Variants in KIFAP3 observed in about 807,000 individuals in gnomAD.
The protein encoded by KIFAP3 is kinesin-associated protein 3.
KIFAP3 carries 68 observed loss-of-function variants against 106.5 expected under a neutral mutation model. The observed-to-expected ratio is 0.64, with a 90% confidence interval of 0.53 to 0.78. The LOEUF (loss-of-function observed/expected upper bound fraction) is 0.78, where lower values mean the gene tolerates loss of function less well. Ranked by LOEUF, KIFAP3 falls within the 30% of genes least tolerant of loss-of-function variation. The probability of loss-of-function intolerance (pLI) is 0.00; values close to 1 mark genes in which losing one functional copy is unlikely to be tolerated. For synonymous variants in KIFAP3, 320 were observed against 311.5 expected (o/e 1.03, Z -0.29); for missense variants, 780 against 941.8 (o/e 0.83, Z 2.25).
chr1:170,021,774 A>G (rs1191555477), intron 9 of KIFAP3, among the ~76,000 whole-genome samples: 2 of 151,830 alleles, frequency 1.3e-5, no homozygotes, highest in African/African-American at 4.8e-5. Context: ...CACAGAATAG[A>G]ATGTGAAATA....
chr1:170,065,818 C>T (rs1232818018), intron 1 of KIFAP3, among the ~76,000 whole-genome samples: 1 of 152,116 alleles, frequency 6.6e-6, no homozygotes, highest in African/African-American at 2.4e-5. Flanking sequence ...ATTAGCCATA[C>T]AGCCAGTGGC....
intron 2 of KIFAP3, among the ~76,000 whole-genome samples, chr1:170,050,793 T>A (rs1274646928): frequency 1.3e-5 from 2 of 152,154 alleles, no homozygotes; most frequent in East Asian, 3.8e-4. Flanking sequence ...AAGCAAATGC[T>A]GAGGGATTCT....
chr1:169,987,785 TACTTTCATTGG>T (rs1666906314), intron 11 of KIFAP3, among the ~76,000 whole-genome samples: 1 of 152,142 alleles, frequency 6.6e-6, no homozygotes. Flanking sequence ...CCTAACCATG[TACTTTCATTGG>T]CCATTCTATT....
At chr1:170,039,337 C>A in intron 3 of KIFAP3, 49 bp from the exon 4 acceptor site, 1 of 1,057,668 alleles carries the variant, frequency 9.5e-7, no homozygotes, top group Non-Finnish European at 1.4e-6. Flanking sequence ...TTTAGGGTTT[C>A]TAGGTAATTT....
intron 12 of KIFAP3, 148 bp downstream of exon 12, chr1:169,984,434 T>G (rs1666683691): frequency 4.8e-6 from 2 of 420,260 alleles, no homozygotes; most frequent in Admixed American, 8.1e-5. Flanking sequence ...ATATTCTATC[T>G]GACCTTTAAG....
chr1:170,048,410 A>C (rs1209550724), intron 2 of KIFAP3, among the ~76,000 whole-genome samples: 1 of 151,618 alleles, frequency 6.6e-6, no homozygotes, highest in Non-Finnish European at 1.5e-5. Context: ...ACAGAGAAAA[A>C]CTCTAAAAAG....
chr1:169,970,321 G>A (rs1224965229), intron 17 of KIFAP3, among the ~76,000 whole-genome samples: 1 of 152,004 alleles, frequency 6.6e-6, no homozygotes. Context: ...AACAAGTGAT[G>A]TAATCCTCCT....
intron 10 of KIFAP3, among the ~76,000 whole-genome samples, chr1:170,002,332 A>G (rs1163948928): frequency 6.6e-6 from 1 of 152,208 alleles, no homozygotes; most frequent in East Asian, 1.9e-4. Flanking sequence ...AGAAACATTT[A>G]TATCAATATG....
At chr1:170,017,353 T>C (rs1256126136) in intron 9 of KIFAP3, among the ~76,000 whole-genome samples, 2 of 149,646 alleles carry the variant, frequency 1.3e-5, no homozygotes, top group Non-Finnish European at 3.0e-5. Context: ...GAAAACAGCA[T>C]TGAGAGAACT....
chr1:170,016,025 A>T (rs1571668845), intron 10 of KIFAP3, among the ~76,000 whole-genome samples: 1 of 151,910 alleles, frequency 6.6e-6, no homozygotes, highest in South Asian at 2.1e-4. Flanking sequence ...TATCTCTATT[A>T]AAAAAAATAT....
intron 8 of KIFAP3, among the ~76,000 whole-genome samples, chr1:170,031,483 T>C (rs1184464461): frequency 6.6e-6 from 1 of 151,696 alleles, no homozygotes; most frequent in Non-Finnish European, 1.5e-5. Context: ...TTAATAAAGC[T>C]AGAGACAAGG....
intron 15 of KIFAP3, among the ~76,000 whole-genome samples, chr1:169,980,401 GA>G (rs1289637116): frequency 6.6e-6 from 1 of 152,088 alleles, no homozygotes; most frequent in Admixed American, 6.6e-5. Flanking sequence ...TAAGATCCTA[GA>G]GAACTTGGCC....
chr1:170,072,693 A>C (rs1256707502), intron 1 of KIFAP3, among the ~76,000 whole-genome samples: 6 of 152,218 alleles, frequency 3.9e-5, no homozygotes, highest in Non-Finnish European at 5.9e-5. Context: ...TAAAAGTAAA[A>C]ATATTGTTAA....
chr1:170,082,966 C>CT (rs1672043833), intron 1 of KIFAP3, among the ~76,000 whole-genome samples: 1 of 152,044 alleles, frequency 6.6e-6, no homozygotes, highest in Non-Finnish European at 1.5e-5. Context: ...GAGCAAGACT[C>CT]TGTCTCAAAA....
intron 10 of KIFAP3, among the ~76,000 whole-genome samples, chr1:169,995,743 CATCA>C (rs1304601812): frequency 2.0e-5 from 3 of 151,908 alleles, no homozygotes; most frequent in African/African-American, 4.8e-5. Flanking sequence ...TGAGGTGGCA[CATCA>C]TTCAGGTAAG....
At chr1:170,074,814 A>T (rs1318353677), upstream of KIFAP3, 3 of 1,140,440 alleles carry the variant, frequency 2.6e-6, no homozygotes, top group African/African-American at 3.1e-5. Flanking sequence ...GTTTTGGTGC[A>T]GTTTTGAGCG....
rs756385096 is a variant in KIFAP3 at position 169,983,317 on chromosome 1, T to A, written c.1459A>T (p.Ile487Phe). 1 of 1,609,338 alleles carries A rather than the reference T, an allele frequency of 6.2e-7. No homozygotes were observed. The highest frequency in any genetic ancestry group is 2.2e-5 in the East Asian group (1 of 44,586). ...KFKDPLLMKM[I>F]RNISQHDGPT... ...CCATCATGCTGAGAAATGTTTCTAA[T>A]CATTTTCATCAGCAATGGATCCTTA... is the stretch of plus-strand genomic sequence containing the variant. The change falls in exon 13 of 20, where the codon ATT becomes TTT. Residue 487 changes from isoleucine (I) to phenylalanine (F), a missense_variant. By Grantham distance (21) the Ile-to-Phe change is conservative. Around this residue, in one of 3 missense-constraint regions of KIFAP3, gnomAD observed 588 missense variants for 678.9 expected, o/e 0.87. Coordinates refer to ENST00000361580, the MANE Select transcript of KIFAP3 (RefSeq NM_014970.4).
chr1:169,923,859 C>T (rs1440982404), intron 19 of KIFAP3, among the ~76,000 whole-genome samples: 6 of 152,192 alleles, frequency 3.9e-5, no homozygotes, highest in African/African-American at 4.8e-5. Context: ...TAGGCAATTG[C>T]GTGGTGATCT....
intron 10 of KIFAP3, among the ~76,000 whole-genome samples, chr1:170,015,353 G>T (rs1000659970): frequency 6.6e-6 from 1 of 152,112 alleles, no homozygotes; most frequent in Non-Finnish European, 1.5e-5. Flanking sequence ...AAGGTCACAT[G>T]ATTTAAATTC....
Sources: allele counts gnomAD v4.1 joint callset (sites outside exome capture counted in the v4.1 genomes callset), GRCh38; gene constraint gnomAD v4.1.1; regional missense constraint gnomAD v4.1.1; transcripts MANE v1.5; gene names NCBI Gene and HGNC (gene_info 2026-07-23, HGNC 2026-07-21).